The following PDE3B variants were observed in gnomAD, a reference collection of about 807,000 sequenced individuals.
PDE3B encodes the protein phosphodiesterase 3B, also known as cGMP-inhibited 3',5'-cyclic phosphodiesterase 3B.
Under a neutral mutation model 116.8 loss-of-function variants are expected in PDE3B, and 66 were observed. The observed-to-expected ratio is 0.56, with a 90% CI of 0.46 to 0.69. The LOEUF is 0.69. PDE3B is among the 30% of genes least tolerant of loss of function. The probability of loss-of-function intolerance (pLI) is 0.00; values close to 1 mark genes in which losing one functional copy is unlikely to be tolerated. For synonymous variants in PDE3B, 595 were observed against 533.6 expected, an observed-to-expected ratio of 1.12 and a Z score of -1.59; for missense variants, 1,384 against 1,368.1, an observed-to-expected ratio of 1.01 and a Z score of -0.18.
At chr11:14,680,619 T>C (rs941653580) in intron 1 of PDE3B, among the ~76,000 whole-genome samples, 1 of 152,222 alleles carries the variant, frequency 6.6e-6, no homozygotes, top group Non-Finnish European at 1.5e-5. Context: ...TTTATTTGTA[T>C]GTACACTTAT....
intron 1 of PDE3B, among the ~76,000 whole-genome samples, chr11:14,707,912 G>A (rs1225166298): frequency 1.3e-5 from 2 of 152,046 alleles, no homozygotes; most frequent in African/African-American, 4.8e-5. Flanking sequence ...AGCTTGTTTG[G>A]TTAAGATCAC....
chr11:14,653,585 A>G (rs1681674992), intron 1 of PDE3B, among the ~76,000 whole-genome samples: 1 of 151,960 alleles, frequency 6.6e-6, no homozygotes, highest in African/African-American at 2.4e-5. Context: ...CAAAAAAACC[A>G]ACAAAAAAAC....
At chr11:14,875,403 G>A (rs1243102928), downstream of PDE3B, among the ~76,000 whole-genome samples, 1 of 151,944 alleles carries the variant, frequency 6.6e-6, no homozygotes, top group Non-Finnish European at 1.5e-5. Context: ...TATCCTTAAT[G>A]GTTATTTCAG....
chr11:14,735,713 A>G (rs1436964560), intron 1 of PDE3B, among the ~76,000 whole-genome samples: 2 of 152,182 alleles, frequency 1.3e-5, no homozygotes, highest in African/African-American at 4.8e-5. Context: ...GTGGCTCCAT[A>G]TTAGAGTGTT....
intron 1 of PDE3B, among the ~76,000 whole-genome samples, chr11:14,678,399 C>T (rs139348198): frequency 0.012 from 1,890 of 152,158 alleles, 24 homozygotes; most frequent in South Asian, 0.06. Flanking sequence ...GTATGTTTAA[C>T]TTTATAAGAA....
intron 4 of PDE3B, among the ~76,000 whole-genome samples, chr11:14,791,181 T>C (rs2133921021): frequency 6.6e-6 from 1 of 152,230 alleles, no homozygotes. Flanking sequence ...CAGGAATCTT[T>C]AGACTTTAGT....
Position 14,664,931 on chromosome 11 carries a change from T to G in PDE3B, c.978+19878T>G, listed in dbSNP as rs1261189469. Among the ~76,000 whole-genome samples the G allele has an allele frequency of 2.0e-5, 3 of 152,118 alleles. No homozygotes were observed. In the East Asian group the frequency reaches 5.8e-4, roughly 29 times the overall value. The stretch of plus-strand genomic sequence containing the variant: ...AACTCATTTTATGAGACCAGCATCA[T>G]CCTGATACCAAAGCCGGGCAGAGAC... On this transcript the variant is annotated intron_variant, in intron 1 of 15. Coordinates refer to ENST00000282096, the MANE Select transcript of PDE3B (RefSeq NM_000922.4).
chr11:14,770,373 A>G (rs1319536518), intron 1 of PDE3B, among the ~76,000 whole-genome samples: 2 of 151,540 alleles, frequency 1.3e-5, no homozygotes, highest in Non-Finnish European at 3.0e-5. Flanking sequence ...GCAGAAGTAA[A>G]GTATTGCAGT....
chr11:14,696,979 C>T (rs564345450), intron 1 of PDE3B, among the ~76,000 whole-genome samples: 2 of 152,200 alleles, frequency 1.3e-5, no homozygotes, highest in South Asian at 4.1e-4. Context: ...CTCTGTCACT[C>T]AGGTTGGAGT....
chr11:14,660,275 A>G (rs1853852908), intron 1 of PDE3B, among the ~76,000 whole-genome samples: 1 of 151,298 alleles, frequency 6.6e-6, no homozygotes, highest in Non-Finnish European at 1.5e-5. Flanking sequence ...CTTATTTCTA[A>G]TATTCCTTAT....
chr11:14,663,356 G>A (rs1262388219), intron 1 of PDE3B, among the ~76,000 whole-genome samples: 2 of 152,296 alleles, frequency 1.3e-5, no homozygotes, highest in East Asian at 3.9e-4. Flanking sequence ...GCAAAATCAT[G>A]CCAAATTGTA....
intron 4 of PDE3B, among the ~76,000 whole-genome samples, chr11:14,790,647 A>G (rs1158132261): frequency 6.6e-6 from 1 of 152,084 alleles, no homozygotes; most frequent in Non-Finnish European, 1.5e-5. Flanking sequence ...ATAAAGCTAA[A>G]TGTAGGTAGA....
chr11:14,888,769 G>C, the PDE3B span, among the ~76,000 whole-genome samples: 1 of 152,128 alleles, frequency 6.6e-6, no homozygotes, highest in Non-Finnish European at 1.5e-5. Flanking sequence ...ATTCAGTGCT[G>C]TGCATAAAGT....
chr11:14,880,327 G>A, the PDE3B span: 1 of 1,613,268 alleles, frequency 6.2e-7, no homozygotes, highest in Non-Finnish European at 8.5e-7. Context: ...AGGTAGCTGA[G>A]GCTTTCTGTT....
chr11:14,747,209 C>A (rs1565119818), intron 1 of PDE3B, among the ~76,000 whole-genome samples: 1 of 152,210 alleles, frequency 6.6e-6, no homozygotes, highest in Non-Finnish European at 1.5e-5. Flanking sequence ...GATCCAGCCC[C>A]ATGATCTAGT....
intron 1 of PDE3B, chr11:14,673,522 A>C (rs925250555): frequency 1.3e-5 from 5 of 395,172 alleles, no homozygotes; most frequent in African/African-American, 1.0e-4. Flanking sequence ...TGTACAAGAG[A>C]TAGACTAAGA....
Position 14,859,146 on chromosome 11 carries a change from A to G in PDE3B, c.2624A>G (p.Asp875Gly), listed in dbSNP as rs1555006644. The change falls in exon 13 of 16, where the codon GAT becomes GGT. Residue 875 changes from aspartate (D) to glycine (G), a missense_variant. Coordinates refer to ENST00000282096, the MANE Select transcript of PDE3B (RefSeq NM_000922.4). ...RPEYNFLLHL[D>G]HVEFKRFRFL... ...GAATACAACTTCCTTCTTCATCTTGATCATGTGGAATTCAAGCGCTTTCGT... is the reference window on the plus strand; with the variant it reads ...GAATACAACTTCCTTCTTCATCTTGGTCATGTGGAATTCAAGCGCTTTCGT... 6.2e-7 allele frequency: 1 copy of G among 1,613,514 alleles called. No individual in the cohort carries two copies. Among genetic ancestry groups the G allele is most frequent in the South Asian group, 1.1e-5 (1 of 91,038 alleles).
At chr11:14,688,138 T>TCTCTCC (rs775578149) in intron 1 of PDE3B, among the ~76,000 whole-genome samples, 1 of 136,884 alleles carries the variant, frequency 7.3e-6, no homozygotes, top group Non-Finnish European at 1.6e-5. Flanking sequence ...TCTCTCTCTC[T>TCTCTCC]CTCTCCCTCC....
chr11:14,787,922 T>C lies in PDE3B; in HGVS notation c.1279-1184T>C, dbSNP rs369033519. 2.6e-5 allele frequency among the ~76,000 whole-genome samples: 4 copies of C among 152,014 alleles called. No individual in the cohort carries two copies. In the East Asian group the frequency reaches 5.8e-4, roughly 22 times the overall value. On this transcript the variant is annotated intron_variant, in intron 3 of 15. Transcript: ENST00000282096. ...AAATAGTAATTCTTAAAATTTTTAA[T>C]CAGAAATCATATTGATATCAGTATT...
Sources: gnomAD v4.1 joint callset for allele counts (sites outside exome capture counted in the v4.1 genomes callset) on GRCh38, gnomAD v4.1.1 for gene constraint, MANE v1.5 for transcripts, NCBI Gene and HGNC (gene_info 2026-07-23, HGNC 2026-07-21) for gene names.